The following NAALADL2 variants were observed in gnomAD, a reference collection of about 807,000 sequenced individuals.
NAALADL2 encodes inactive N-acetylated-alpha-linked acidic dipeptidase-like protein 2.
A neutral mutation model predicts 87.2 loss-of-function variants in NAALADL2; 76 were observed. The observed-to-expected ratio is 0.87, with a 90% CI of 0.72 to 1.05. The LOEUF is 1.05. NAALADL2 is among the 50% of genes least tolerant of loss of function. NAALADL2 has a pLI of 0.00. For synonymous variants in NAALADL2, 354 were observed against 331.0 expected (o/e 1.07, Z -0.75); for missense variants, 1,089 against 945.8 (o/e 1.15, Z -1.99).
At chr3:175,447,150 C>A in intron 5 of NAALADL2, 79 bp from the exon 6 acceptor site, 1 of 864,830 alleles carries the variant, frequency 1.2e-6, no homozygotes. Flanking sequence ...AATTTAAATA[C>A]TTATTACAGA....
intron 2 of NAALADL2, among the ~76,000 whole-genome samples, chr3:174,561,025 T>C (rs1001990907): frequency 6.6e-6 from 1 of 152,168 alleles, no homozygotes; most frequent in African/African-American, 2.4e-5. Flanking sequence ...GTGATAGGTA[T>C]AGGAACAACT....
At chr3:174,636,444 T>A (rs147279233) in intron 2 of NAALADL2, among the ~76,000 whole-genome samples, 1 of 151,944 alleles carries the variant, frequency 6.6e-6, no homozygotes, top group East Asian at 1.9e-4. Flanking sequence ...TACAAGGAAC[T>A]CAAACAACAG....
chr3:175,476,426 C>A (rs1725710669), intron 9 of NAALADL2, among the ~76,000 whole-genome samples: 1 of 152,010 alleles, frequency 6.6e-6, no homozygotes, highest in Admixed American at 6.6e-5. Context: ...TATGTGCTAT[C>A]CTAGAATTCA....
chr3:174,737,996 G>T (rs550477347), intron 3 of NAALADL2, among the ~76,000 whole-genome samples: 1 of 151,848 alleles, frequency 6.6e-6, no homozygotes, highest in Non-Finnish European at 1.5e-5. Flanking sequence ...TGTTGAAATT[G>T]GTACAGTCTT....
intron 10 of NAALADL2, among the ~76,000 whole-genome samples, chr3:175,621,673 TA>T (rs926542344): frequency 3.9e-5 from 6 of 152,104 alleles, no homozygotes; most frequent in South Asian, 2.1e-4. Flanking sequence ...ATACTATAAA[TA>T]AAAAATATAA....
intron 10 of NAALADL2, among the ~76,000 whole-genome samples, chr3:175,616,779 G>A (rs534818230): frequency 6.6e-6 from 1 of 152,254 alleles, no homozygotes; most frequent in Non-Finnish European, 1.5e-5. Flanking sequence ...TAATACAAGG[G>A]CTGTTGCAGG....
chr3:174,765,057 G>T (rs1202773426), intron 3 of NAALADL2, among the ~76,000 whole-genome samples: 2 of 147,806 alleles, frequency 1.4e-5, no homozygotes, highest in African/African-American at 5.0e-5. Flanking sequence ...AAATAACCAA[G>T]AAAATAAAAG....
At position 175,755,334 on chromosome 3, in the gene NAALADL2, C is replaced by T. The variant is rs1345139601; in HGVS notation, c.2105C>T (p.Pro702Leu). ...RPANDPKERA[P>L]IRIRMLNDIL... is the part of the protein sequence containing the mutation. ...GCTAATGATCCCAAGGAGAGAGCAC[C>T]CATCCGCATCCGGATGCTGAATGAC... Residue 702 changes from proline (P) to leucine (L), a missense_variant, in exon 13 of 14, where the codon CCC (proline) becomes CTC (leucine). By Grantham distance (98) the Pro-to-Leu change is moderately conservative. Transcript: ENST00000454872. 6.2e-7 allele frequency: 1 copy of T among 1,613,186 alleles called. No homozygotes were observed. Among genetic ancestry groups the T allele is most frequent in the Non-Finnish European group, 8.5e-7 (1 of 1,179,578 alleles).
At chr3:175,796,973 T>C (rs752759308) in intron 13 of NAALADL2, among the ~76,000 whole-genome samples, 44 of 152,220 alleles carry the variant, frequency 2.9e-4, no homozygotes, top group South Asian at 6.2e-4. Flanking sequence ...TCTTTTGCTT[T>C]AGTTAAGAGG....
chr3:174,608,493 C>G (rs1719385609), intron 2 of NAALADL2, among the ~76,000 whole-genome samples: 1 of 151,342 alleles, frequency 6.6e-6, no homozygotes, highest in East Asian at 1.9e-4. Flanking sequence ...CACCACCGAT[C>G]CCACAGAAAT....
At chr3:175,372,161 C>G (rs1766588210) in intron 5 of NAALADL2, among the ~76,000 whole-genome samples, 3 of 152,214 alleles carry the variant, frequency 2.0e-5, no homozygotes, top group Non-Finnish European at 4.4e-5. Flanking sequence ...GCCCTGCAGA[C>G]TTTACTGAAC....
intron 1 of NAALADL2, among the ~76,000 whole-genome samples, chr3:174,546,344 A>G (rs1242408272): frequency 1.3e-5 from 2 of 152,148 alleles, no homozygotes; most frequent in Non-Finnish European, 2.9e-5. Context: ...CCTTTCTAGG[A>G]CATGTACCTC....
Position 174,875,986 on chromosome 3 carries a change from GT to G in NAALADL2, c.43+16547del, listed in dbSNP as rs539865859. 4.6e-4 allele frequency among the ~76,000 whole-genome samples: 66 copies of G among 144,040 alleles called. 1 individual carries two copies. Among genetic ancestry groups the G allele is most frequent in the East Asian group, 1.4e-3 (7 of 4,980 alleles). 94.5% of individuals were successfully genotyped at this position (144,040 alleles called of 152,430 possible). The stretch of plus-strand genomic sequence containing the variant: ...AAAAGATAGATAAAAGTGAAACCTT[GT>G]TTTTTTTTTTGAGGGAAAACTAAAA... On this transcript the variant is annotated intron_variant, in intron 1 of 13. Coordinates refer to ENST00000454872, the MANE Select transcript of NAALADL2 (RefSeq NM_207015.3).
rs183532528 is a variant in NAALADL2, at chr3:174,905,024, T to G, written c.43+45574T>G. ...AAAGCTGTCACATAATTAGTAATTC[T>G]ATAGCAGTTTTCTTATTCTAGAATG... On this transcript the variant is annotated intron_variant, in intron 1 of 13. Coordinates refer to ENST00000454872, the MANE Select transcript of NAALADL2 (RefSeq NM_207015.3). 2.5e-3 allele frequency among the ~76,000 whole-genome samples: 384 copies of G among 151,950 alleles called. 3 individuals are homozygous for G. Among genetic ancestry groups the G allele is most frequent in the Non-Finnish European group, 3.9e-3 (265 of 67,842 alleles).
chr3:175,427,023 T>G, intron 5 of NAALADL2, among the ~76,000 whole-genome samples: 1 of 152,214 alleles, frequency 6.6e-6, no homozygotes. Flanking sequence ...AAGATTTTGC[T>G]AGACTAATTT....
At chr3:175,283,648 C>A (rs1411637417) in intron 4 of NAALADL2, among the ~76,000 whole-genome samples, 3 of 152,056 alleles carry the variant, frequency 2.0e-5, no homozygotes, top group Admixed American at 6.5e-5. Flanking sequence ...ACATTCCATA[C>A]AACAAAGCAG....
intron 1 of NAALADL2, among the ~76,000 whole-genome samples, chr3:174,973,035 T>C (rs1743907104): frequency 6.6e-6 from 1 of 151,696 alleles, no homozygotes; most frequent in African/African-American, 2.4e-5. Context: ...TTTAAACTGG[T>C]TGTGACTGCT....
intron 1 of NAALADL2, among the ~76,000 whole-genome samples, chr3:174,549,007 A>G (rs992388543): frequency 5.9e-5 from 9 of 152,088 alleles, no homozygotes; most frequent in African/African-American, 2.2e-4. Flanking sequence ...TGCCCGGCTA[A>G]TTTGTGTATT....
intron 4 of NAALADL2, among the ~76,000 whole-genome samples, chr3:175,286,040 A>G (rs535130067): frequency 1.3e-5 from 2 of 152,318 alleles, no homozygotes; most frequent in East Asian, 3.9e-4. Flanking sequence ...ATTTTTATTC[A>G]GAAAGAGAAT....
Sources: allele counts gnomAD v4.1 joint callset (sites outside exome capture counted in the v4.1 genomes callset), GRCh38; gene constraint gnomAD v4.1.1; transcripts MANE v1.5; gene names NCBI Gene and HGNC (gene_info 2026-07-23, HGNC 2026-07-21).